Variants in ATP9A observed in about 807,000 individuals in gnomAD.
The protein encoded by ATP9A is ATPase phospholipid transporting 9A, also known as probable phospholipid-transporting ATPase IIA.
A neutral mutation model predicts 144.1 loss-of-function variants in ATP9A; 52 were observed. The observed-to-expected ratio is 0.36, with a 90% CI of 0.29 to 0.45. The LOEUF (loss-of-function observed/expected upper bound fraction) is 0.45, where lower values mean the gene tolerates loss of function less well. Ranked by LOEUF, ATP9A falls within the 20% of genes least tolerant of loss-of-function variation. The pLI is 1.00. For missense variants in ATP9A, 947 were observed against 1,392.7 expected, an observed-to-expected ratio of 0.68 and a Z score of 5.09; for synonymous variants, 582 against 557.4, an observed-to-expected ratio of 1.04 and a Z score of -0.62.
rs2077208387 is a variant in ATP9A, at chr20:51,617,561, G to A, written c.2351-7C>T. 2.5e-6 allele frequency: 4 copies of A among 1,611,134 alleles called. No individual in the cohort carries two copies. The East Asian group carries it at 8.9e-5, about 36-fold the overall frequency. ...ACGTCATTGCCTCCGTCCCCTGCGA[G>A]CCACACAGACCAGAGAGAAAAGATG... is the stretch of plus-strand genomic sequence containing the variant. On this transcript the variant is annotated splice_polypyrimidine_tract_variant and splice_region_variant and intron_variant, in intron 21 of 27. Transcript: ENST00000338821.
Position 51,664,825 on chromosome 20 carries a change from T to C in ATP9A, c.1293+5172A>G, listed in dbSNP as rs1003469721. Among the ~76,000 whole-genome samples the C allele has an allele frequency of 2.6e-5, 4 of 151,994 alleles. No individual in the cohort carries two copies. In the Middle Eastern group the frequency reaches 0.01, roughly 388 times the overall value. On this transcript the variant is annotated intron_variant, in intron 13 of 27. Transcript: ENST00000338821. ...ACCTCCACCTGCCGGGTTCAAGCTA[T>C]TCTTCTGCCTCAGCCTCCTGAGTAG...
At chr20:51,601,416 C>G (rs2077142563) in intron 27 of ATP9A, 69 bp from the exon 28 acceptor site, 2 of 1,443,520 alleles carry the variant, frequency 1.4e-6, no homozygotes, top group South Asian at 2.9e-5. Flanking sequence ...GGTCCAGAAA[C>G]AGGCGTCACA....
chr20:51,718,812 CTCAAAAAAAA>C (rs2077674416), intron 3 of ATP9A, among the ~76,000 whole-genome samples: 1 of 34,502 alleles, frequency 2.9e-5, no homozygotes, highest in Admixed American at 4.1e-4. Flanking sequence ...AAGACTCCAT[CTCAAAAAAAA>C]AAAAAAAAAA....
At chr20:51,767,107 G>C (rs912212769) in intron 1 of ATP9A, among the ~76,000 whole-genome samples, 1 of 148,442 alleles carries the variant, frequency 6.7e-6, no homozygotes, top group Non-Finnish European at 1.5e-5. Flanking sequence ...ACTGACACCT[G>C]GTGAAGCCAC....
At chr20:51,637,699 GTT>G (rs5841854) in intron 15 of ATP9A, among the ~76,000 whole-genome samples, 1 of 145,722 alleles carries the variant, frequency 6.9e-6, no homozygotes, top group African/African-American at 2.5e-5. Context: ...TGTGCACTCT[GTT>G]TTTTTTTTTT....
At chr20:51,768,226 G>A in intron 1 of ATP9A, 76 bp downstream of exon 1, 1 of 1,018,936 alleles carries the variant, frequency 9.8e-7, no homozygotes, top group Middle Eastern at 3.5e-4. Flanking sequence ...CAACCTGTCA[G>A]GCCCGGCCAG....
rs1484904951 is a variant in ATP9A at position 51,617,148 on chromosome 20, G to A, written c.2415+342C>T. Among the ~76,000 whole-genome samples, 4 of 144,354 alleles carry A rather than the reference G, an allele frequency of 2.8e-5. No individual in the cohort carries two copies. In the South Asian group the frequency reaches 6.6e-4, roughly 24 times the overall value. The allele number at this position is 144,354 out of a possible 152,430, so 94.7% of individuals were successfully genotyped here. ...GTAGAGACAGGGTTTCTCTAAGTTG[G>A]CCAGGCTGGCCTCAAACTCCTGACC... On this transcript the variant is annotated intron_variant, in intron 22 of 27. Transcript: ENST00000338821.
At chr20:51,664,491 G>A (rs143251415) in intron 13 of ATP9A, among the ~76,000 whole-genome samples, 3,068 of 152,068 alleles carry the variant, frequency 0.02, 107 homozygotes, top group African/African-American at 0.069. Flanking sequence ...GGGAGGCTGG[G>A]GTGGGAAGAT....
chr20:51,621,962 T>C (rs2122724446), intron 19 of ATP9A, 112 bp downstream of exon 19: 1 of 907,596 alleles, frequency 1.1e-6, no homozygotes, highest in South Asian at 1.5e-5. Context: ...CTCCCCACCC[T>C]AGGTAATTCA....
Position 51,699,311 on chromosome 20 carries a change from C to T in ATP9A, c.437-1829G>A, listed in dbSNP as rs149926553. ...TCTCACCCTTGCACTCCAGCCTGGG[C>T]GACACAAGCAAAACTCAATCTCAAA... On this transcript the variant is annotated intron_variant, in intron 4 of 27. Coordinates refer to ENST00000338821, the MANE Select transcript of ATP9A (RefSeq NM_006045.3). Among the ~76,000 whole-genome samples the T allele has an allele frequency of 9.3e-3, 1,149 of 123,250 alleles. 16 individuals are homozygous for T. The highest frequency in any genetic ancestry group is 0.034 in the African/African-American group (1,058 of 31,576). The allele number at this position is 123,250 out of a possible 152,430, so 80.9% of individuals were successfully genotyped here.
intron 14 of ATP9A, among the ~76,000 whole-genome samples, chr20:51,643,411 C>T (rs2122752640): frequency 6.6e-6 from 1 of 152,242 alleles, no homozygotes; most frequent in East Asian, 1.9e-4. Context: ...CCCTAAAATT[C>T]ATATGTTGAA....
At chr20:51,759,116 G>A (rs2077868367) in intron 1 of ATP9A, among the ~76,000 whole-genome samples, 1 of 152,208 alleles carries the variant, frequency 6.6e-6, no homozygotes, top group South Asian at 2.1e-4. Flanking sequence ...AACTGAAGGG[G>A]ATGGCGCAAG....
intron 4 of ATP9A, among the ~76,000 whole-genome samples, chr20:51,700,336 C>T (rs1285996195): frequency 6.6e-6 from 1 of 152,118 alleles, no homozygotes; most frequent in African/African-American, 2.4e-5. Context: ...GCCTAGGCAA[C>T]ATAGCAAGAC....
At chr20:51,603,059 G>A (rs989930465) in intron 27 of ATP9A, among the ~76,000 whole-genome samples, 11 of 130,220 alleles carry the variant, frequency 8.4e-5, no homozygotes, top group African/African-American at 1.3e-4. Context: ...AGGATGGGGC[G>A]TGAGGGGGTT....
chr20:51,730,610 T>C (rs934013937), intron 1 of ATP9A, among the ~76,000 whole-genome samples: 1 of 152,356 alleles, frequency 6.6e-6, no homozygotes, highest in Admixed American at 6.5e-5. Context: ...TAGAGTGACT[T>C]ACACAACCTG....
At chr20:51,750,579 G>A (rs1027114342) in intron 1 of ATP9A, among the ~76,000 whole-genome samples, 6 of 152,198 alleles carry the variant, frequency 3.9e-5, no homozygotes, top group Non-Finnish European at 8.8e-5. Context: ...TGTGTGCCAA[G>A]CGCTGTGGCA....
intron 15 of ATP9A, among the ~76,000 whole-genome samples, chr20:51,632,168 C>T (rs891366133): frequency 6.6e-6 from 1 of 152,114 alleles, no homozygotes; most frequent in Admixed American, 6.5e-5. Context: ...CTCCTGGACT[C>T]GAGTGACCTC....
chr20:51,613,557 C>T, intron 23 of ATP9A, 120 bp downstream of exon 23: 1 of 1,162,740 alleles, frequency 8.6e-7, no homozygotes, highest in Non-Finnish European at 1.2e-6. Context: ...TAATCTAATT[C>T]CCAGGCTTTT....
At chr20:51,620,278 C>T (rs1450209468) in intron 19 of ATP9A, among the ~76,000 whole-genome samples, 1 of 152,194 alleles carries the variant, frequency 6.6e-6, no homozygotes, top group African/African-American at 2.4e-5. Context: ...TTTAGAAAAA[C>T]AGGTGGCTAG....
Sources: gnomAD v4.1 joint callset for allele counts (sites outside exome capture counted in the v4.1 genomes callset) on GRCh38, gnomAD v4.1.1 for gene constraint, MANE v1.5 for transcripts, NCBI Gene and HGNC (gene_info 2026-07-23, HGNC 2026-07-21) for gene names.